Variants in CSMD1 observed in about 807,000 individuals in gnomAD.
CSMD1 encodes CUB and Sushi multiple domains 1, also known as CUB and sushi domain-containing protein 1.
Under a neutral mutation model 417.5 loss-of-function variants are expected in CSMD1, and 213 were observed. The observed-to-expected ratio is 0.51, with a 90% confidence interval of 0.46 to 0.57. CSMD1 has a LOEUF of 0.57. Ranked by LOEUF, CSMD1 falls within the 20% of genes least tolerant of loss-of-function variation. The pLI, the probability that CSMD1 is intolerant of heterozygous loss-of-function variation, is 0.00. For missense variants in CSMD1, 6,923 were observed against 4,529.7 expected, an observed-to-expected ratio of 1.53 and a Z score of -15.17; for synonymous variants, 2,862 against 1,736.8, an observed-to-expected ratio of 1.65 and a Z score of -16.11.
intron 26 of CSMD1, among the ~76,000 whole-genome samples, chr8:3,238,759 T>A (rs903878691): frequency 6.6e-6 from 1 of 152,034 alleles, no homozygotes; most frequent in Non-Finnish European, 1.5e-5. Flanking sequence ...AATTAGAGAG[T>A]GCCTGACGAG....
chr8:4,400,322 G>C (rs997722014), intron 3 of CSMD1, among the ~76,000 whole-genome samples: 2 of 152,186 alleles, frequency 1.3e-5, no homozygotes, highest in Admixed American at 6.5e-5. Flanking sequence ...TGGTCCCATA[G>C]GAAACTGTTT....
At chr8:4,414,104 G>C (rs1479472324) in intron 3 of CSMD1, among the ~76,000 whole-genome samples, 1 of 152,058 alleles carries the variant, frequency 6.6e-6, no homozygotes. Flanking sequence ...GTGGAGTTTG[G>C]GTTATCACTT....
At chr8:4,339,326 C>G (rs1273364528) in intron 3 of CSMD1, among the ~76,000 whole-genome samples, 1 of 152,078 alleles carries the variant, frequency 6.6e-6, no homozygotes, top group Non-Finnish European at 1.5e-5. Context: ...TTTAAATTCA[C>G]AAGCTATGCT....
At chr8:3,670,875 ATATGGGATATATATG>A (rs1798980105) in intron 7 of CSMD1, among the ~76,000 whole-genome samples, 2 of 150,192 alleles carry the variant, frequency 1.3e-5, no homozygotes, top group Admixed American at 6.6e-5. Context: ...ATATATATGT[ATATGGGATATATATG>A]TATGTGATAT....
chr8:3,340,004 G>C (rs1034250435), intron 23 of CSMD1, among the ~76,000 whole-genome samples: 2 of 152,150 alleles, frequency 1.3e-5, no homozygotes, highest in African/African-American at 2.4e-5. Flanking sequence ...TGCCTATTCA[G>C]CAACGTATTT....
At chr8:4,091,007 C>G (rs1324174210) in intron 3 of CSMD1, among the ~76,000 whole-genome samples, 1 of 151,796 alleles carries the variant, frequency 6.6e-6, no homozygotes, top group Non-Finnish European at 1.5e-5. Flanking sequence ...CAACCTCCAC[C>G]TCCTGGGTTC....
At chr8:4,286,343 AAAC>A (rs1464963104) in intron 3 of CSMD1, among the ~76,000 whole-genome samples, 1 of 152,166 alleles carries the variant, frequency 6.6e-6, no homozygotes, top group African/African-American at 2.4e-5. Flanking sequence ...TATTTTTAAA[AAAC>A]AACGTTTTTC....
At chr8:3,941,030 G>C (rs1356938674) in intron 5 of CSMD1, among the ~76,000 whole-genome samples, 2 of 151,530 alleles carry the variant, frequency 1.3e-5, no homozygotes, top group Non-Finnish European at 2.9e-5. Context: ...TGCTACATGT[G>C]ATAATTCAAT....
intron 3 of CSMD1, among the ~76,000 whole-genome samples, chr8:4,039,672 C>G (rs1033582237): frequency 2.6e-5 from 4 of 152,114 alleles, no homozygotes; most frequent in African/African-American, 4.8e-5. Context: ...CTGAGAATAA[C>G]TCAATGAGGA....
intron 3 of CSMD1, among the ~76,000 whole-genome samples, chr8:4,400,312 T>C (rs1224554398): frequency 1.3e-5 from 2 of 152,262 alleles, no homozygotes; most frequent in Non-Finnish European, 2.9e-5. Flanking sequence ...TCGCAGTTCC[T>C]GGTCCCATAG....
chr8:3,537,175 T>C (rs547092441), intron 10 of CSMD1, among the ~76,000 whole-genome samples: 5 of 152,010 alleles, frequency 3.3e-5, no homozygotes, highest in Non-Finnish European at 4.4e-5. Flanking sequence ...AGCTAATTTG[T>C]TGTATTTTAA....
intron 3 of CSMD1, among the ~76,000 whole-genome samples, chr8:4,206,249 G>A (rs976633994): frequency 6.6e-6 from 1 of 152,094 alleles, no homozygotes; most frequent in Non-Finnish European, 1.5e-5. Context: ...CAAGGGGCAG[G>A]TTTGTTACAT....
At chr8:3,277,832 T>G (rs892861537) in intron 26 of CSMD1, among the ~76,000 whole-genome samples, 1 of 152,170 alleles carries the variant, frequency 6.6e-6, no homozygotes, top group Non-Finnish European at 1.5e-5. Flanking sequence ...GGGGATGAAT[T>G]ATGTCCAAGG....
chr8:3,306,584 G>A lies in CSMD1; in HGVS notation c.3950+1111C>T, dbSNP rs138196960. On this transcript the variant is annotated intron_variant, in intron 25 of 69. Transcript: ENST00000635120. Reference sequence around the variant, plus strand: ...AGCATGATGGAGTGTAGACGCCTGGGACATGCAGATTAAGGCTATTGGAGG... The same window carrying A: ...AGCATGATGGAGTGTAGACGCCTGGAACATGCAGATTAAGGCTATTGGAGG... 1.8e-3 allele frequency among the ~76,000 whole-genome samples: 277 copies of A among 152,254 alleles called. 2 individuals are homozygous for A. The highest frequency in any genetic ancestry group is 6.1e-3 in the African/African-American group (254 of 41,544).
intron 10 of CSMD1, among the ~76,000 whole-genome samples, chr8:3,507,767 A>G (rs1037843060): frequency 6.6e-6 from 1 of 151,934 alleles, no homozygotes; most frequent in African/African-American, 2.4e-5. Flanking sequence ...GATGATGAGC[A>G]TTTTTTCATG....
intron 26 of CSMD1, among the ~76,000 whole-genome samples, chr8:3,256,050 G>C (rs192804277): frequency 4.6e-5 from 7 of 152,108 alleles, no homozygotes; most frequent in Admixed American, 2.6e-4. Context: ...TGACTGAGCC[G>C]GGTGAGGTGG....
At chr8:2,983,214 T>C (rs1187055856) in intron 54 of CSMD1, among the ~76,000 whole-genome samples, 1 of 151,988 alleles carries the variant, frequency 6.6e-6, no homozygotes, top group Non-Finnish European at 1.5e-5. Flanking sequence ...TGAGATGGAG[T>C]CTTGCTCTGT....
intron 69 of CSMD1, among the ~76,000 whole-genome samples, chr8:2,941,862 G>A (rs1303035953): frequency 6.6e-6 from 1 of 152,182 alleles, no homozygotes; most frequent in Admixed American, 6.5e-5. Context: ...TTGCTGGAAG[G>A]TTGAAATACC....
intron 7 of CSMD1, among the ~76,000 whole-genome samples, chr8:3,636,916 C>T (rs894259516): frequency 6.6e-6 from 1 of 152,072 alleles, no homozygotes; most frequent in African/African-American, 2.4e-5. Context: ...GAGTTCTCTG[C>T]CCTCATGAAT....
Sources: gnomAD v4.1 joint callset for allele counts (sites outside exome capture counted in the v4.1 genomes callset) on GRCh38, gnomAD v4.1.1 for gene constraint, MANE v1.5 for transcripts, NCBI Gene and HGNC (gene_info 2026-07-23, HGNC 2026-07-21) for gene names.